Variants in MAPK10 observed in about 807,000 individuals in gnomAD.
MAPK10 encodes the protein mitogen-activated protein kinase 10, also known as JNK3 alpha protein kinase.
MAPK10 carries 25 observed loss-of-function variants against 59.3 expected under a neutral mutation model. The ratio of observed to expected loss-of-function variants is 0.42; its 90% CI spans 0.31 to 0.59. MAPK10 has a LOEUF of 0.59. MAPK10 is among the 20% of genes least tolerant of loss of function. MAPK10 has a pLI of 0.15. For synonymous variants in MAPK10, 190 were observed against 200.5 expected (o/e 0.95, Z 0.44); for missense variants, 351 against 568.9 (o/e 0.62, Z 3.90).
At chr4:86,559,956 A>T (rs1420648118) in intron 1 of MAPK10, among the ~76,000 whole-genome samples, 2 of 151,856 alleles carry the variant, frequency 1.3e-5, no homozygotes, top group Non-Finnish European at 2.9e-5. Flanking sequence ...AAAAAAGAAA[A>T]GAAAATAGTC....
intron 2 of MAPK10, among the ~76,000 whole-genome samples, chr4:86,233,106 GA>G (rs774533784): frequency 6.6e-6 from 1 of 152,300 alleles, no homozygotes; most frequent in South Asian, 2.1e-4. Context: ...AAAGAGTTTA[GA>G]TGTCTTGCCC....
At chr4:86,086,016 G>C (rs35080222) in intron 9 of MAPK10, among the ~76,000 whole-genome samples, 2 of 152,124 alleles carry the variant, frequency 1.3e-5, no homozygotes, top group Non-Finnish European at 2.9e-5. Context: ...GGGCCTGTCA[G>C]GGGAGCTGGG....
intron 1 of MAPK10, among the ~76,000 whole-genome samples, chr4:86,487,487 T>C (rs1347723730): frequency 2.0e-5 from 3 of 152,000 alleles, no homozygotes; most frequent in Admixed American, 1.3e-4. Flanking sequence ...CCCAGCACTT[T>C]GGGAGGCCGA....
At position 86,013,596 on chromosome 4, in the gene MAPK10, G is replaced by T. The variant is rs1223535207; in HGVS notation, c.*3632C>A. On this transcript the variant is annotated 3_prime_UTR_variant, in exon 14 of 14. Transcript: ENST00000641462. ...TACAATTTTAAAACAAATCAAGTTT[G>T]CTTATTTTTTTTTCCTTGACAGGAC... 4.6e-5 allele frequency: 7 copies of T among 152,012 alleles called. No homozygotes were observed. The highest frequency in any genetic ancestry group is 8.8e-5 in the Non-Finnish European group (6 of 67,982). The allele number at this position is 152,012 out of a possible 1,614,324, so 9.4% of individuals were successfully genotyped here.
intron 3 of MAPK10, among the ~76,000 whole-genome samples, chr4:86,168,850 C>A (rs1662843532): frequency 6.6e-6 from 1 of 152,162 alleles, no homozygotes; most frequent in East Asian, 1.9e-4. Flanking sequence ...CGGCCGGGTA[C>A]TCCTCTGAGA....
chr4:86,268,249 T>C (rs1460767718), intron 2 of MAPK10: 1 of 152,206 alleles, frequency 6.6e-6, no homozygotes, highest in African/African-American at 2.4e-5. Flanking sequence ...CACATAGGAT[T>C]CTTCAGCAGG....
chr4:86,135,388 G>T (rs1395389463), intron 4 of MAPK10, among the ~76,000 whole-genome samples: 1 of 152,184 alleles, frequency 6.6e-6, no homozygotes, highest in African/African-American at 2.4e-5. Flanking sequence ...CCTGACCCCC[G>T]AGCAGCCTAA....
intron 8 of MAPK10, chr4:86,100,792 TGTTTA>T: frequency 2.9e-6 from 1 of 340,194 alleles, no homozygotes; most frequent in East Asian, 5.2e-5. Context: ...TCCGCTTGAC[TGTTTA>T]ATCAGACTCC....
intron 1 of MAPK10, among the ~76,000 whole-genome samples, chr4:86,521,956 A>G (rs1564983370): frequency 6.6e-6 from 1 of 152,084 alleles, no homozygotes; most frequent in Non-Finnish European, 1.5e-5. Flanking sequence ...TTCCCCAAGG[A>G]CCTCTGTGAG....
intron 2 of MAPK10, among the ~76,000 whole-genome samples, chr4:86,345,019 T>C (rs1193691632): frequency 6.6e-6 from 1 of 152,206 alleles, no homozygotes; most frequent in Non-Finnish European, 1.5e-5. Context: ...TCCTTATGTT[T>C]AGCACATCTT....
At chr4:86,423,603 C>T (rs1021798377) in intron 1 of MAPK10, among the ~76,000 whole-genome samples, 3 of 151,634 alleles carry the variant, frequency 2.0e-5, no homozygotes, top group Non-Finnish European at 4.4e-5. Context: ...ATCTGGAGGC[C>T]TTATACTTGC....
chr4:86,117,609 C>A (rs1580559707), intron 4 of MAPK10: 1 of 152,198 alleles, frequency 6.6e-6, no homozygotes, highest in African/African-American at 2.4e-5. Context: ...TTCCCAGAAG[C>A]TTTTGCAGCT....
intron 4 of MAPK10, among the ~76,000 whole-genome samples, chr4:86,126,557 G>C (rs1044622640): frequency 2.0e-5 from 3 of 151,964 alleles, no homozygotes; most frequent in Admixed American, 6.6e-5. Flanking sequence ...AAGGACACAA[G>C]TTTAAATAAT....
At chr4:86,019,537 A>G (rs1279799400) in intron 13 of MAPK10, among the ~76,000 whole-genome samples, 2 of 152,092 alleles carry the variant, frequency 1.3e-5, no homozygotes, top group African/African-American at 4.8e-5. Flanking sequence ...TCCCCTCATG[A>G]TAAGATTTTA....
At chr4:86,436,521 A>G (rs1378118697) in intron 1 of MAPK10, among the ~76,000 whole-genome samples, 1 of 152,034 alleles carries the variant, frequency 6.6e-6, no homozygotes. Context: ...TTTTTGATGT[A>G]TTTTTTAATT....
intron 3 of MAPK10, among the ~76,000 whole-genome samples, chr4:86,183,288 C>A (rs186063742): frequency 4.9e-5 from 7 of 143,828 alleles, no homozygotes; most frequent in Non-Finnish European, 1.1e-4. Flanking sequence ...ATCCCTCCCC[C>A]CTCCCCCTAC....
At chr4:86,439,099 T>G (rs184815232) in intron 1 of MAPK10, among the ~76,000 whole-genome samples, 80 of 152,266 alleles carry the variant, frequency 5.3e-4, no homozygotes, top group Non-Finnish European at 9.3e-4. Context: ...TTTTCATTTT[T>G]AAAAATTTTT....
intron 4 of MAPK10, among the ~76,000 whole-genome samples, chr4:86,155,659 G>A (rs2067553382): frequency 6.6e-6 from 1 of 151,898 alleles, no homozygotes; most frequent in African/African-American, 2.4e-5. Flanking sequence ...ATAATAAATA[G>A]AACAACTGCA....
chr4:86,328,900 C>G (rs193111115), intron 2 of MAPK10, among the ~76,000 whole-genome samples: 2 of 151,824 alleles, frequency 1.3e-5, no homozygotes, highest in Non-Finnish European at 2.9e-5. Context: ...ACTTAACGCA[C>G]GAGGGGGCAT....
Sources: allele counts gnomAD v4.1 joint callset (sites outside exome capture counted in the v4.1 genomes callset), GRCh38; gene constraint gnomAD v4.1.1; transcripts MANE v1.5; gene names NCBI Gene and HGNC (gene_info 2026-07-23, HGNC 2026-07-21).